Variants in TBC1D22A observed in about 807,000 individuals in gnomAD.
TBC1D22A encodes the protein TBC1 domain family member 22A.
TBC1D22A carries 38 observed loss-of-function variants against 60.2 expected under a neutral mutation model. That is an observed-to-expected ratio of 0.63 (90% confidence interval 0.49 to 0.83). The LOEUF (loss-of-function observed/expected upper bound fraction) is 0.83. Among genes scored for constraint, TBC1D22A ranks in the 40% least tolerant of loss-of-function variants. TBC1D22A has a pLI of 0.00. For synonymous variants in TBC1D22A, 302 were observed against 281.7 expected, an observed-to-expected ratio of 1.07 and a Z score of -0.72; for missense variants, 628 against 701.0, an observed-to-expected ratio of 0.90 and a Z score of 1.18.
chr22:46,901,777 T>A (rs1363634582), intron 7 of TBC1D22A, among the ~76,000 whole-genome samples: 1 of 152,242 alleles, frequency 6.6e-6, no homozygotes, highest in Non-Finnish European at 1.5e-5. Context: ...TTTCTGACGC[T>A]ACGATGCTTC....
chr22:46,928,023 C>T (rs568744993), intron 8 of TBC1D22A, among the ~76,000 whole-genome samples: 18 of 152,044 alleles, frequency 1.2e-4, no homozygotes, highest in African/African-American at 3.9e-4. Context: ...AGATTCAGTG[C>T]AGTCCCTATC....
At chr22:46,861,648 C>T (rs1259524375) in intron 4 of TBC1D22A, among the ~76,000 whole-genome samples, 1 of 152,242 alleles carries the variant, frequency 6.6e-6, no homozygotes, top group Non-Finnish European at 1.5e-5. Flanking sequence ...CAGAATTGCG[C>T]ACCTCCCAGG....
At chr22:46,762,870 A>G in intron 1 of TBC1D22A, 22 bp downstream of exon 1, 4 of 1,471,204 alleles carry the variant, frequency 2.7e-6, no homozygotes, top group Middle Eastern at 2.0e-4. Flanking sequence ...GCGGAGGGCC[A>G]GGTCGGGGTC....
chr22:47,039,193 G>T (rs954143873), intron 11 of TBC1D22A, among the ~76,000 whole-genome samples: 11 of 152,104 alleles, frequency 7.2e-5, no homozygotes, highest in African/African-American at 2.7e-4. Context: ...CATCTTTATT[G>T]AGTTAATTTT....
chr22:47,058,022 G>A (rs1042001259), intron 11 of TBC1D22A, among the ~76,000 whole-genome samples: 3 of 152,128 alleles, frequency 2.0e-5, no homozygotes, highest in Admixed American at 1.3e-4. Context: ...GCAGGGCCTC[G>A]ACCCCCCTTG....
intron 8 of TBC1D22A, among the ~76,000 whole-genome samples, chr22:46,951,995 C>G (rs1174660835): frequency 3.9e-5 from 6 of 152,198 alleles, no homozygotes; most frequent in Admixed American, 2.0e-4. Flanking sequence ...ACAGAGCAGG[C>G]TGTTTGTTAC....
At chr22:46,855,097 C>A (rs951112688) in intron 4 of TBC1D22A, among the ~76,000 whole-genome samples, 3 of 152,218 alleles carry the variant, frequency 2.0e-5, no homozygotes, top group Non-Finnish European at 4.4e-5. Flanking sequence ...CCTCCTCCAC[C>A]TGTGCTACCC....
chr22:46,966,356 C>T (rs1345518271), intron 8 of TBC1D22A, among the ~76,000 whole-genome samples: 1 of 152,172 alleles, frequency 6.6e-6, no homozygotes, highest in African/African-American at 2.4e-5. Flanking sequence ...TCGAAAGCAT[C>T]GGGAGAGCCC....
chr22:46,803,337 C>T (rs2084980918), intron 4 of TBC1D22A, among the ~76,000 whole-genome samples: 1 of 152,186 alleles, frequency 6.6e-6, no homozygotes, highest in Non-Finnish European at 1.5e-5. Context: ...GCCTCCAGGT[C>T]ACACGTTTCT....
At chr22:46,956,475 AC>A (rs2073197121) in intron 8 of TBC1D22A, among the ~76,000 whole-genome samples, 1 of 152,236 alleles carries the variant, frequency 6.6e-6, no homozygotes, top group African/African-American at 2.4e-5. Context: ...CAAATTACTT[AC>A]AAGTATCATG....
At chr22:46,763,954 C>T (rs1233474867) in intron 1 of TBC1D22A, 2 of 152,266 alleles carry the variant, frequency 1.3e-5, no homozygotes, top group Admixed American at 1.3e-4. Flanking sequence ...ATTAGCTGGG[C>T]ATGGTGGCAC....
intron 1 of TBC1D22A, 65 bp from the exon 2 acceptor site, chr22:46,792,455 G>A: frequency 1.2e-6 from 2 of 1,608,278 alleles, no homozygotes; most frequent in Non-Finnish European, 1.7e-6. Context: ...TTTCGGCTGA[G>A]CTGGTGGAGG....
At chr22:47,135,518 CAG>C (rs945846626) in intron 12 of TBC1D22A, among the ~76,000 whole-genome samples, 29 of 152,100 alleles carry the variant, frequency 1.9e-4, no homozygotes, top group East Asian at 1.9e-4. Flanking sequence ...TTGGGCACTG[CAG>C]AGAGTTCCAC....
intron 8 of TBC1D22A, among the ~76,000 whole-genome samples, chr22:46,943,225 C>T (rs1264468333): frequency 6.6e-6 from 1 of 152,158 alleles, no homozygotes; most frequent in African/African-American, 2.4e-5. Context: ...CCGCGGCATC[C>T]ATCTCGGTGT....
intron 4 of TBC1D22A, among the ~76,000 whole-genome samples, chr22:46,811,579 G>A (rs771670344): frequency 1.4e-4 from 22 of 152,182 alleles, no homozygotes; most frequent in Non-Finnish European, 2.2e-4. Flanking sequence ...CACAAGCAAC[G>A]GTCACAACGG....
intron 8 of TBC1D22A, among the ~76,000 whole-genome samples, chr22:46,925,451 T>A (rs1458472945): frequency 6.6e-6 from 1 of 152,268 alleles, no homozygotes; most frequent in Non-Finnish European, 1.5e-5. Context: ...CCACGACTCA[T>A]ATATATTCAT....
intron 9 of TBC1D22A, among the ~76,000 whole-genome samples, chr22:46,977,524 A>T (rs1345062217): frequency 6.6e-6 from 1 of 152,172 alleles, no homozygotes; most frequent in Non-Finnish European, 1.5e-5. Flanking sequence ...GCCCCCAGTA[A>T]GATGGCAAAC....
Position 46,797,476 on chromosome 22 carries a change from TC to T in TBC1D22A, c.496del (p.Gln166SerfsTer25). On this transcript the variant is annotated frameshift_variant, in exon 4 of 13. Coordinates refer to ENST00000337137, the MANE Select transcript of TBC1D22A (RefSeq NM_014346.5). LOFTEE classifies it high-confidence loss of function. ...CAGCGATGCCGCCCCTCTGCAGAGG[TC>T]CCAGTCTCTCCCACACTCGGCCACC... ...SASDAAPLQR[S>X]QSLPHSATVT... is the part of the protein sequence containing the mutation. The T allele has an allele frequency of 6.2e-7, 1 of 1,613,174 alleles. No homozygotes were observed. The highest frequency in any genetic ancestry group is 8.5e-7 in the Non-Finnish European group (1 of 1,179,902).
chr22:47,167,585 G>C (rs76413283), intron 12 of TBC1D22A, among the ~76,000 whole-genome samples: 1 of 152,178 alleles, frequency 6.6e-6, no homozygotes, highest in Non-Finnish European at 1.5e-5. Context: ...GTACGTGGAC[G>C]CCAGAGAGTA....
Sources: allele counts gnomAD v4.1 joint callset (sites outside exome capture counted in the v4.1 genomes callset), GRCh38; gene constraint gnomAD v4.1.1; transcripts MANE v1.5; gene names NCBI Gene and HGNC (gene_info 2026-07-23, HGNC 2026-07-21).